MRPS11: variants seen among roughly 807,000 people sequenced by gnomAD.
MRPS11 encodes mitochondrial ribosomal protein S11.
Under a neutral mutation model 24.3 loss-of-function variants are expected in MRPS11, and 27 were observed. That is an observed-to-expected ratio of 1.11 (90% CI 0.82 to 1.53). MRPS11 has a LOEUF of 1.53. Ranked by LOEUF, MRPS11 falls within the 40% of genes most tolerant of loss-of-function variation. The pLI is 0.00. For missense variants in MRPS11, 277 were observed against 256.5 expected (o/e 1.08, Z -0.55); for synonymous variants, 104 against 98.7 (o/e 1.05, Z -0.32).
rs553982619 is a variant in MRPS11, at chr15:88,478,061, C to G, written c.*82C>G. 5 of 1,107,578 alleles carry G rather than the reference C, an allele frequency of 4.5e-6. No individual in the cohort carries two copies. Among genetic ancestry groups the G allele is most frequent in the Non-Finnish European group, 6.9e-6 (5 of 729,174 alleles). 68.6% of individuals were successfully genotyped at this position (1,107,578 alleles called of 1,614,324 possible). On this transcript the variant is annotated 3_prime_UTR_variant, in exon 6 of 6. Transcript: ENST00000325844. The surrounding 1 kb of genome is among the most constrained non-coding windows in gnomAD (Gnocchi z 4.7). ...GTAAAATGCTCCCTGTCAGAGCTCTCCAGAATATGCTTGTTGGAGATCCTT... is the reference window on the plus strand; with the variant it reads ...GTAAAATGCTCCCTGTCAGAGCTCTGCAGAATATGCTTGTTGGAGATCCTT...
At chr15:88,471,806 G>A (rs529631805) in intron 2 of MRPS11, among the ~76,000 whole-genome samples, 12 of 152,200 alleles carry the variant, frequency 7.9e-5, no homozygotes, top group Non-Finnish European at 1.8e-4. Flanking sequence ...GCAACACAAT[G>A]TGTTCACATC....
In MRPS11 at chr15:88,478,984, C is replaced by G. The variant is rs2055879266; in HGVS notation, c.*1005C>G. On this transcript the variant is annotated 3_prime_UTR_variant, in exon 6 of 6. Transcript: ENST00000325844. The surrounding 1 kb of genome is among the most constrained non-coding windows in gnomAD (Gnocchi z 4.7). ...AGCCCAGGTGACAGCGAGACTGTCT[C>G]AAAAAAATAAATAAATATAAATAAA... is the stretch of plus-strand genomic sequence containing the variant. The G allele has an allele frequency of 1.4e-5, 2 of 147,330 alleles. No individual in the cohort carries two copies. The highest frequency in any genetic ancestry group is 5.0e-5 in the African/African-American group (2 of 39,742). The allele number at this position is 147,330 out of a possible 1,614,324, so 9.1% of individuals were successfully genotyped here.
chr15:88,476,741 T>G (rs1009760919), intron 4 of MRPS11: 4 of 410,080 alleles, frequency 9.8e-6, no homozygotes, highest in African/African-American at 8.1e-5. Context: ...ATTTAGAAAT[T>G]TCCATTAGGT....
rs1215019531 is a variant in MRPS11 at position 88,472,697 on chromosome 15, A to G, written c.253A>G (p.Ile85Val). The change falls in exon 3 of 6, where the codon ATT (isoleucine) becomes GTT (valine). Residue 85 changes from isoleucine to valine, a missense_variant. By Grantham distance (29) the Ile-to-Val change is conservative (BLOSUM62 3). Coordinates refer to ENST00000325844, the MANE Select transcript of MRPS11 (RefSeq NM_022839.5). ...WAGKKFEEIP[I>V]AHIKASHNNT... is the part of the protein sequence containing the mutation. Reference sequence around the variant, plus strand: ...AGGAAAGAAATTTGAGGAGATCCCAATTGCACACATTAAAGCATCCCACAA... The same window carrying G: ...AGGAAAGAAATTTGAGGAGATCCCAGTTGCACACATTAAAGCATCCCACAA... 5 of 1,614,002 alleles carry G rather than the reference A, an allele frequency of 3.1e-6. No individual in the cohort carries two copies. Among genetic ancestry groups the G allele is most frequent in the Middle Eastern group, 1.7e-4 (1 of 6,054 alleles).
At chr15:88,468,634 G>T in intron 2 of MRPS11, 1 of 424,022 alleles carries the variant, frequency 2.4e-6, no homozygotes, top group Non-Finnish European at 3.2e-6. Context: ...TTTGAGGGAA[G>T]ACAAACATGC....
intron 3 of MRPS11, 88 bp downstream of exon 3, chr15:88,472,813 G>T: frequency 1.8e-6 from 2 of 1,093,158 alleles, no homozygotes. Flanking sequence ...GAATACCCCG[G>T]GGTAGAAGTG....
Position 88,477,617 on chromosome 15 carries a change from G to T in MRPS11, c.478-255G>T, listed in dbSNP as rs1330918207. 6.6e-6 allele frequency among the ~76,000 whole-genome samples: 1 copy of T among 152,204 alleles called. No homozygotes were observed. The highest frequency in any genetic ancestry group is 2.4e-5 in the African/African-American group (1 of 41,450). ...GGTCTACAAGAAGTCTTTGTTCGCA[G>T]ATCGTAAAGTGCAAAGTGGAAAGTG... On this transcript the variant is annotated intron_variant, in intron 5 of 5. Transcript: ENST00000325844. This position sits in a 1 kb window ranked among gnomAD's most constrained non-coding sequence, Gnocchi z 5.7.
At position 88,468,016 on chromosome 15, in the gene MRPS11, C is replaced by G. The variant is rs1319299248; in HGVS notation, c.174C>G (p.Thr58=). 2.5e-6 allele frequency: 4 copies of G among 1,603,312 alleles called. No individual in the cohort carries two copies. Among genetic ancestry groups the G allele is most frequent in the South Asian group, 1.1e-5 (1 of 89,286 alleles). ...KVEQNAAPSH[T]KFSIYPPIPG... Reference sequence around the variant, plus strand: ...AACAGAACGCGGCTCCCAGCCACACCAAGTTCAGGTGAGCCCCACTTGGAC... The same window carrying G: ...AACAGAACGCGGCTCCCAGCCACACGAAGTTCAGGTGAGCCCCACTTGGAC... The change falls in exon 2 of 6, where the codon ACC becomes ACG. Residue 58 remains threonine, a synonymous_variant. Coordinates refer to ENST00000325844, the MANE Select transcript of MRPS11 (RefSeq NM_022839.5).
At chr15:88,474,996 G>T (rs2055790579) in intron 3 of MRPS11, 114 bp from the exon 4 acceptor site, 7 of 1,246,910 alleles carry the variant, frequency 5.6e-6, no homozygotes, top group Non-Finnish European at 7.7e-6. Context: ...GCTCAAAGTA[G>T]AAGCAACTGA....
At chr15:88,474,559 C>CAAAA (rs61044753) in intron 3 of MRPS11, among the ~76,000 whole-genome samples, 2 of 138,816 alleles carry the variant, frequency 1.4e-5, no homozygotes, top group African/African-American at 5.3e-5. Context: ...AACTCCATCT[C>CAAAA]AAAAAAAAAA....
Position 88,477,504 on chromosome 15 carries a change from G to T in MRPS11, c.478-368G>T, listed in dbSNP as rs1356550938. On this transcript the variant is annotated intron_variant, in intron 5 of 5. Transcript: ENST00000325844. This position sits in a 1 kb window ranked among gnomAD's most constrained non-coding sequence, Gnocchi z 5.7. The stretch of plus-strand genomic sequence containing the variant: ...GCAGGAATAATGAGGTATCAGGGAG[G>T]TGGAGGCACAGCAGGTACGGGGGGA... 6.6e-6 allele frequency among the ~76,000 whole-genome samples: 1 copy of T among 152,232 alleles called. No homozygotes were observed. Among genetic ancestry groups the T allele is most frequent in the Non-Finnish European group, 1.5e-5 (1 of 68,034 alleles).
chr15:88,479,957 C>G lies in MRPS11; in HGVS notation c.*1978C>G, dbSNP rs1567048289. The G allele has an allele frequency of 6.6e-6, 1 of 152,308 alleles. No individual in the cohort carries two copies. The highest frequency in any genetic ancestry group is 1.5e-5 in the Non-Finnish European group (1 of 68,096). The allele number at this position is 152,308 out of a possible 1,614,324, so 9.4% of individuals were successfully genotyped here. A position where few individuals can be genotyped will look rare whatever the true frequency, so the allele number is the denominator to read the frequency against. ...AACAGTTCCTAGAACCTGGCAGGAG[C>G]TGCCACAGCAGCAGAGTGCACCTCT... On this transcript the variant is annotated 3_prime_UTR_variant, in exon 6 of 6. Transcript: ENST00000325844.
rs1244880526 is a variant in MRPS11 at position 88,479,842 on chromosome 15, A to G, written c.*1863A>G. 3.9e-5 allele frequency: 6 copies of G among 152,250 alleles called. No homozygotes were observed. The highest frequency in any genetic ancestry group is 8.8e-5 in the Non-Finnish European group (6 of 68,068). The allele number at this position is 152,250 out of a possible 1,614,324, so 9.4% of individuals were successfully genotyped here. A position where few individuals can be genotyped will look rare whatever the true frequency, so the allele number is the denominator to read the frequency against. On this transcript the variant is annotated 3_prime_UTR_variant, in exon 6 of 6. Coordinates refer to ENST00000325844, the MANE Select transcript of MRPS11 (RefSeq NM_022839.5). Reference sequence around the variant, plus strand: ...AGGTTTAAGAGAAAAGCTCAATGAAAGCTCTTTGCAGAGGCATGGGTAAGA... The same window carrying G: ...AGGTTTAAGAGAAAAGCTCAATGAAGGCTCTTTGCAGAGGCATGGGTAAGA...
rs146750126 is a variant in MRPS11 at position 88,471,816 on chromosome 15, C to T, written c.183-811C>T. Among the ~76,000 whole-genome samples, 141 of 152,332 alleles carry T rather than the reference C, an allele frequency of 9.3e-4. 3 individuals are homozygous for T. The Middle Eastern group carries it at 0.031, about 33-fold the overall frequency. On this transcript the variant is annotated intron_variant, in intron 2 of 5. Transcript: ENST00000325844. ...TGAACGCAACACAATGTGTTCACAT[C>T]TGATTCTATTGGGACATTTGCAACA... is the stretch of plus-strand genomic sequence containing the variant.
At chr15:88,476,683 C>T (rs1393765820) in intron 4 of MRPS11, 2 of 306,818 alleles carry the variant, frequency 6.5e-6, no homozygotes, top group Non-Finnish European at 1.2e-5. Flanking sequence ...GGTGGCGCCT[C>T]ATGGTCTGAA....
intron 2 of MRPS11, among the ~76,000 whole-genome samples, chr15:88,470,421 C>G (rs949111476): frequency 1.3e-5 from 2 of 152,128 alleles, no homozygotes; most frequent in African/African-American, 4.8e-5. Context: ...CATGAGATGA[C>G]AAAATCATTA....
In MRPS11 at chr15:88,480,138, A is replaced by T. The variant is rs1243917612; in HGVS notation, c.*2159A>T. 1.3e-5 allele frequency: 2 copies of T among 152,306 alleles called. No individual in the cohort carries two copies. Among genetic ancestry groups the T allele is most frequent in the African/African-American group, 4.8e-5 (2 of 41,466 alleles). 9.4% of individuals were successfully genotyped at this position (152,306 alleles called of 1,614,324 possible). A position where few individuals can be genotyped will look rare whatever the true frequency, so the allele number is the denominator to read the frequency against. ...GGAGGCTCAGCCTCCCAGGCTGCAG[A>T]GTGGATCTGGAGGGGCACGTAGAGG... On this transcript the variant is annotated 3_prime_UTR_variant, in exon 6 of 6. Coordinates refer to ENST00000325844, the MANE Select transcript of MRPS11 (RefSeq NM_022839.5). The surrounding 1 kb of genome is among the most constrained non-coding windows in gnomAD (Gnocchi z 5.1).
rs901597364 is a variant in MRPS11 at position 88,480,437 on chromosome 15, C to T, written c.*2458C>T. Reference sequence around the variant, plus strand: ...TCTTGAACTCCTGGTCTCAAGCAGTCCCCCCACCTCGGCCTCCCAAAGTGC... The same window carrying T: ...TCTTGAACTCCTGGTCTCAAGCAGTTCCCCCACCTCGGCCTCCCAAAGTGC... On this transcript the variant is annotated 3_prime_UTR_variant, in exon 6 of 6. Coordinates refer to ENST00000325844, the MANE Select transcript of MRPS11 (RefSeq NM_022839.5). This position sits in a 1 kb window ranked among gnomAD's most constrained non-coding sequence, Gnocchi z 5.1. The T allele has an allele frequency of 5.3e-5, 8 of 152,262 alleles. No homozygotes were observed. The East Asian group carries it at 1.2e-3, about 22-fold the overall frequency. 9.4% of individuals were successfully genotyped at this position (152,262 alleles called of 1,614,324 possible).
At position 88,477,160 on chromosome 15, in the gene MRPS11, T is replaced by G. The variant is rs943508509; in HGVS notation, c.477+106T>G. On this transcript the variant is annotated intron_variant, in intron 5 of 5. Transcript: ENST00000325844. This position sits in a 1 kb window ranked among gnomAD's most constrained non-coding sequence, Gnocchi z 5.7. ...AGTAGAAAACACCTTTTAGTGGATT[T>G]CCATGTTTGCTTGAAGTTCCCGTCT... is the stretch of plus-strand genomic sequence containing the variant. The G allele has an allele frequency of 5.8e-6, 6 of 1,042,934 alleles. No individual in the cohort carries two copies. The highest frequency in any genetic ancestry group is 8.7e-6 in the Non-Finnish European group (6 of 689,442). The allele number at this position is 1,042,934 out of a possible 1,614,324, so 64.6% of individuals were successfully genotyped here.
Sources: allele counts gnomAD v4.1 joint callset (sites outside exome capture counted in the v4.1 genomes callset), GRCh38; gene constraint gnomAD v4.1.1; non-coding constraint Gnocchi (gnomAD v3.1); transcripts MANE v1.5; gene names NCBI Gene and HGNC (gene_info 2026-07-23, HGNC 2026-07-21).